Variants in WDFY4 observed in about 807,000 individuals in gnomAD.
WDFY4 encodes WDFY family member 4, also known as WD repeat- and FYVE domain-containing protein 4.
In WDFY4, 169 loss-of-function variants were observed where a neutral mutation model predicts 351.9. The observed-to-expected ratio is 0.48, with a 90% CI of 0.42 to 0.55. The LOEUF is 0.55. Ranked by LOEUF, WDFY4 falls within the 20% of genes least tolerant of loss-of-function variation. The pLI is 0.00. For missense variants in WDFY4, 3,803 were observed against 3,935.6 expected (o/e 0.97, Z 0.90); for synonymous variants, 1,622 against 1,574.6 (o/e 1.03, Z -0.71).
At chr10:48,723,831 G>C (rs142422888) in intron 5 of WDFY4, among the ~76,000 whole-genome samples, 2 of 152,086 alleles carry the variant, frequency 1.3e-5, no homozygotes, top group East Asian at 3.9e-4. Flanking sequence ...CAGGATTGCT[G>C]TCTGCCATCA....
At chr10:48,820,584 G>A in intron 33 of WDFY4, 147 bp downstream of exon 33, 1 of 868,628 alleles carries the variant, frequency 1.2e-6, no homozygotes, top group Non-Finnish European at 1.8e-6. Context: ...CCCCAAAAAA[G>A]CAACAGGTGA....
At chr10:48,831,726 TG>T (rs1484524292) in intron 38 of WDFY4, among the ~76,000 whole-genome samples, 20 of 152,354 alleles carry the variant, frequency 1.3e-4, no homozygotes, top group African/African-American at 4.8e-4. Flanking sequence ...AAAATCAAGG[TG>T]CCAGTAGATC....
rs966376929 is a variant in WDFY4 at position 48,696,516 on chromosome 10, A to G, written c.-18+11515A>G. Among the ~76,000 whole-genome samples the G allele has an allele frequency of 2.0e-5, 3 of 152,240 alleles. No homozygotes were observed. The South Asian group carries it at 6.2e-4, about 31-fold the overall frequency. On this transcript the variant is annotated intron_variant, in intron 1 of 61. Coordinates refer to ENST00000325239, the MANE Select transcript of WDFY4 (RefSeq NM_001394531.1). ...ACTGTCTGGCCATGCTCAGGCCCAC[A>G]TCTCTACGGCCCTGTCCTGACATCC...
At chr10:48,916,068 G>A (rs534584031) in intron 47 of WDFY4, among the ~76,000 whole-genome samples, 2 of 152,262 alleles carry the variant, frequency 1.3e-5, no homozygotes, top group South Asian at 2.1e-4. Context: ...TAAAGCCTTG[G>A]GCAGAATGCA....
At chr10:48,864,665 G>A (rs897221163) in intron 39 of WDFY4, among the ~76,000 whole-genome samples, 29 of 152,166 alleles carry the variant, frequency 1.9e-4, no homozygotes, top group African/African-American at 6.3e-4. Context: ...TGTAGATTAT[G>A]TTAGGTAGTA....
intron 39 of WDFY4, among the ~76,000 whole-genome samples, chr10:48,852,283 C>T (rs574361735): frequency 6.6e-6 from 1 of 152,338 alleles, no homozygotes; most frequent in Admixed American, 6.5e-5. Flanking sequence ...GATCTTCCTA[C>T]TCTGCCACTT....
intron 11 of WDFY4, among the ~76,000 whole-genome samples, chr10:48,741,495 T>C (rs931096631): frequency 3.1e-4 from 45 of 145,312 alleles, no homozygotes; most frequent in African/African-American, 1.1e-3. Flanking sequence ...GCTCCCAAAG[T>C]GCATGACTTC....
chr10:48,913,916 C>T (rs1247617566), intron 47 of WDFY4: 2 of 1,614,130 alleles, frequency 1.2e-6, no homozygotes, highest in Admixed American at 1.7e-5. Flanking sequence ...AGTTGCTGTG[C>T]AGGTCCAGCC....
At position 48,822,412 on chromosome 10, in the gene WDFY4, G is replaced by A; in HGVS notation, c.5857G>A (p.Ala1953Thr). 6.5e-7 allele frequency: 1 copy of A among 1,550,260 alleles called. No homozygotes were observed. The highest frequency in any genetic ancestry group is 8.7e-7 in the Non-Finnish European group (1 of 1,146,186). The change falls in exon 35 of 62, where the codon GCT (alanine) becomes ACT (threonine). Residue 1953 changes from alanine to threonine, a missense_variant. This residue lies in a region of WDFY4 where 3,054 missense variants were observed against 3,148.6 expected (regional missense o/e 0.97). Coordinates refer to ENST00000325239, the MANE Select transcript of WDFY4 (RefSeq NM_001394531.1). ...AGAGCCTCAGCCAAGTGCAGAAGCT[G>A]CTGCTGCCCCTTCTCTTGCCAACAT... is the stretch of plus-strand genomic sequence containing the variant. ...GKEPQPSAEA[A>T]AAPSLANISC...
chr10:48,907,910 G>A (rs1371871644), intron 47 of WDFY4, among the ~76,000 whole-genome samples: 1 of 152,240 alleles, frequency 6.6e-6, no homozygotes, highest in Non-Finnish European at 1.5e-5. Flanking sequence ...ACTGGGACCA[G>A]AGGCGAACGG....
At chr10:48,914,832 C>T (rs550157047) in intron 47 of WDFY4, among the ~76,000 whole-genome samples, 1 of 152,292 alleles carries the variant, frequency 6.6e-6, no homozygotes, top group South Asian at 2.1e-4. Context: ...CATTGCTGGG[C>T]CCAGCAGCAC....
chr10:48,732,422 T>C (rs1218587520), intron 9 of WDFY4, among the ~76,000 whole-genome samples: 1 of 152,142 alleles, frequency 6.6e-6, no homozygotes, highest in Non-Finnish European at 1.5e-5. Flanking sequence ...CCACCTTCCC[T>C]CCTTTCATTC....
intron 25 of WDFY4, 101 bp from the exon 26 acceptor site, chr10:48,805,159 C>A: frequency 7.5e-7 from 1 of 1,326,752 alleles, no homozygotes; most frequent in Non-Finnish European, 1.0e-6. Flanking sequence ...AGTTAAGGGG[C>A]CATGGAACAA....
chr10:48,784,850 C>CTTT (rs1255134626), intron 19 of WDFY4, among the ~76,000 whole-genome samples: 35 of 80,660 alleles, frequency 4.3e-4, no homozygotes, highest in East Asian at 7.5e-4. Context: ...GCATCGTTTA[C>CTTT]TTTTTTTTTT....
intron 4 of WDFY4, 32 bp from the exon 5 acceptor site, chr10:48,723,401 T>C: frequency 1.3e-6 from 2 of 1,546,090 alleles, no homozygotes; most frequent in Non-Finnish European, 1.7e-6. Flanking sequence ...GCTGCCTTGC[T>C]GCCTGGGGTC....
chr10:48,915,478 C>T (rs1448562726), intron 47 of WDFY4, among the ~76,000 whole-genome samples: 1 of 151,892 alleles, frequency 6.6e-6, no homozygotes, highest in African/African-American at 2.4e-5. Flanking sequence ...GAGACACAAA[C>T]TTGCATTGCC....
chr10:48,906,716 T>G (rs1274505459), intron 47 of WDFY4, among the ~76,000 whole-genome samples: 1 of 152,318 alleles, frequency 6.6e-6, no homozygotes, highest in African/African-American at 2.4e-5. Flanking sequence ...CACACTTAAA[T>G]GTACTCATGC....
At chr10:48,843,527 A>AAAAT (rs928628154) in intron 39 of WDFY4, among the ~76,000 whole-genome samples, 1 of 152,206 alleles carries the variant, frequency 6.6e-6, no homozygotes, top group Admixed American at 6.5e-5. Context: ...ATGACATCCA[A>AAAAT]AAATAAATAA....
chr10:48,712,080 C>T lies in WDFY4; in HGVS notation c.234+2114C>T, dbSNP rs552514656. Among the ~76,000 whole-genome samples the T allele has an allele frequency of 3.3e-5, 5 of 152,312 alleles. No individual in the cohort carries two copies. In the South Asian group the frequency reaches 1.0e-3, roughly 32 times the overall value. ...CTGGTCTTTGTTTTCCACACCCTGT[C>T]CCTATAATTGGAGGCATAATGACCC... On this transcript the variant is annotated intron_variant, in intron 2 of 61. Transcript: ENST00000325239.
Sources: gnomAD v4.1 joint callset for allele counts (sites outside exome capture counted in the v4.1 genomes callset) on GRCh38, gnomAD v4.1.1 for gene constraint, gnomAD v4.1.1 regional missense constraint, MANE v1.5 for transcripts, NCBI Gene and HGNC (gene_info 2026-07-23, HGNC 2026-07-21) for gene names.